Variants in MAMDC2 observed in about 807,000 individuals in gnomAD.
MAMDC2 encodes the protein MAM domain containing 2.
Under a neutral mutation model 89.8 loss-of-function variants are expected in MAMDC2, and 57 were observed. The observed-to-expected ratio is 0.63, with a 90% CI of 0.51 to 0.79. MAMDC2 has a LOEUF of 0.79. MAMDC2 is among the 30% of genes least tolerant of loss of function. The probability of loss-of-function intolerance (pLI) is 0.00; values close to 1 mark genes in which losing one functional copy is unlikely to be tolerated. For synonymous variants in MAMDC2, 313 were observed against 293.4 expected (o/e 1.07, Z -0.68); for missense variants, 800 against 820.6 (o/e 0.97, Z 0.31).
chr9:70,126,560 A>T, intron 6 of MAMDC2, 145 bp downstream of exon 6: 1 of 849,546 alleles, frequency 1.2e-6, no homozygotes, highest in Non-Finnish European at 1.8e-6. Context: ...TCTCATCCTC[A>T]GCCCCTCTCC....
At chr9:70,145,916 G>A (rs2031389410) in intron 9 of MAMDC2, among the ~76,000 whole-genome samples, 2 of 152,070 alleles carry the variant, frequency 1.3e-5, no homozygotes, top group African/African-American at 4.8e-5. Flanking sequence ...GTCATGTAAA[G>A]CCCGCAGAAG....
At chr9:70,176,162 A>T (rs2032494193) in intron 11 of MAMDC2, among the ~76,000 whole-genome samples, 1 of 152,206 alleles carries the variant, frequency 6.6e-6, no homozygotes, top group South Asian at 2.1e-4. Flanking sequence ...TTATGCTAAA[A>T]TAATGTTATA....
chr9:70,118,735 G>T (rs1233271468), intron 5 of MAMDC2, among the ~76,000 whole-genome samples: 1 of 152,198 alleles, frequency 6.6e-6, no homozygotes, highest in Non-Finnish European at 1.5e-5. Flanking sequence ...TGGAGAAACA[G>T]CACGTAGAAG....
At chr9:70,110,375 G>T (rs1029507064) in intron 4 of MAMDC2, among the ~76,000 whole-genome samples, 1 of 152,208 alleles carries the variant, frequency 6.6e-6, no homozygotes, top group Non-Finnish European at 1.5e-5. Context: ...TACTGCTGAG[G>T]AAGGACAAGC....
intron 2 of MAMDC2, chr9:70,083,685 CCTTT>C (rs1446383340): frequency 9.7e-5 from 14 of 143,778 alleles, no homozygotes; most frequent in African/African-American, 3.5e-4. Context: ...ATGATTTCTT[CCTTT>C]CTTTCTTTCT....
intron 2 of MAMDC2, among the ~76,000 whole-genome samples, chr9:70,061,876 C>T (rs10868453): frequency 0.5 from 76,370 of 152,010 alleles, 21,825 homozygotes; most frequent in Non-Finnish European, 0.63. Flanking sequence ...TGAAATGCTG[C>T]CATTCAGAAC....
At chr9:70,051,208 A>G (rs1465814542) in intron 2 of MAMDC2, among the ~76,000 whole-genome samples, 2 of 152,088 alleles carry the variant, frequency 1.3e-5, no homozygotes, top group Non-Finnish European at 2.9e-5. Context: ...CTAAGCCTCT[A>G]CTGGCTTCTG....
At chr9:70,044,474 C>A in intron 1 of MAMDC2, 110 bp from the exon 2 acceptor site, 1 of 958,886 alleles carries the variant, frequency 1.0e-6, no homozygotes, top group Non-Finnish European at 1.6e-6. Flanking sequence ...CTCCCGCCCC[C>A]TCCCGCTCGT....
chr9:70,102,669 C>CTTAATGATTG (rs1466984847), intron 2 of MAMDC2, among the ~76,000 whole-genome samples: 1 of 152,170 alleles, frequency 6.6e-6, no homozygotes, highest in African/African-American at 2.4e-5. Context: ...GGCAAGATGG[C>CTTAATGATTG]TTAATGATTG....
At chr9:70,156,160 C>A (rs1437776538) in intron 9 of MAMDC2, among the ~76,000 whole-genome samples, 1 of 152,160 alleles carries the variant, frequency 6.6e-6, no homozygotes, top group Non-Finnish European at 1.5e-5. Flanking sequence ...TCTACTCCTT[C>A]ATTTTCTCTT....
chr9:70,224,600 C>T (rs1564006169), intron 12 of MAMDC2, among the ~76,000 whole-genome samples: 1 of 152,142 alleles, frequency 6.6e-6, no homozygotes, highest in Non-Finnish European at 1.5e-5. Flanking sequence ...TTCTCCTCTG[C>T]CTTTTTGTTC....
chr9:70,196,059 A>G (rs1411585192), intron 11 of MAMDC2, among the ~76,000 whole-genome samples: 1 of 152,100 alleles, frequency 6.6e-6, no homozygotes, highest in African/African-American at 2.4e-5. Context: ...GTACAAAAGG[A>G]TTTCTTAACG....
intron 2 of MAMDC2, chr9:70,079,156 C>T: frequency 6.6e-6 from 1 of 152,310 alleles, no homozygotes; most frequent in Non-Finnish European, 1.5e-5. Context: ...GCCTCTGATG[C>T]ACACTCATTG....
At chr9:70,061,870 A>T (rs999276635) in intron 2 of MAMDC2, among the ~76,000 whole-genome samples, 5 of 152,188 alleles carry the variant, frequency 3.3e-5, no homozygotes, top group Admixed American at 3.3e-4. Flanking sequence ...ATCCAGTGAA[A>T]TGCTGCCATT....
intron 11 of MAMDC2, among the ~76,000 whole-genome samples, chr9:70,215,394 A>G (rs2033426202): frequency 6.6e-6 from 1 of 152,250 alleles, no homozygotes; most frequent in Non-Finnish European, 1.5e-5. Context: ...GTTGGCAGCT[A>G]TGCCATTTCC....
Position 70,179,829 on chromosome 9 carries a change from C to T in MAMDC2, c.1651+9198C>T, listed in dbSNP as rs533959680. Among the ~76,000 whole-genome samples the T allele has an allele frequency of 1.9e-3, 268 of 142,958 alleles. No individual in the cohort carries two copies. In the Middle Eastern group the frequency reaches 0.022, roughly 12 times the overall value. The allele number at this position is 142,958 out of a possible 152,430, so 93.8% of individuals were successfully genotyped here. A position where few individuals can be genotyped will look rare whatever the true frequency, so the allele number is the denominator to read the frequency against. ...AGATCACTGTGCACTCGCTACAAAA[C>T]ACCTGAAAATGCAAGAAAAAAAGGA... On this transcript the variant is annotated intron_variant, in intron 11 of 13. Transcript: ENST00000377182.
At chr9:70,187,155 T>TTATC (rs1293512252) in intron 11 of MAMDC2, among the ~76,000 whole-genome samples, 37 of 152,230 alleles carry the variant, frequency 2.4e-4, no homozygotes, top group Non-Finnish European at 7.4e-5. Flanking sequence ...TTCTTGATCT[T>TTATC]TATCTTGTCA....
At chr9:70,109,626 G>T (rs1369013214) in intron 3 of MAMDC2, 94 bp from the exon 4 acceptor site, 2 of 1,000,072 alleles carry the variant, frequency 2.0e-6, no homozygotes, top group Non-Finnish European at 3.1e-6. Context: ...TGCCTTAAGT[G>T]GCTGAACAGC....
chr9:70,175,978 C>T (rs1039262637), intron 11 of MAMDC2: 1 of 152,194 alleles, frequency 6.6e-6, no homozygotes, highest in Non-Finnish European at 1.5e-5. Context: ...AAGGTTCTAT[C>T]TCCAAATACA....
Sources: gnomAD v4.1 joint callset for allele counts (sites outside exome capture counted in the v4.1 genomes callset) on GRCh38, gnomAD v4.1.1 for gene constraint, MANE v1.5 for transcripts, NCBI Gene and HGNC (gene_info 2026-07-23, HGNC 2026-07-21) for gene names.